The following RASGEF1C variants were observed in gnomAD, a reference collection of about 807,000 sequenced individuals.
The protein encoded by RASGEF1C is RasGEF domain family member 1C.
A neutral mutation model predicts 58.1 loss-of-function variants in RASGEF1C; 27 were observed. The observed-to-expected ratio is 0.46, with a 90% CI of 0.34 to 0.64. The LOEUF is 0.64. Ranked by LOEUF, RASGEF1C falls within the 30% of genes least tolerant of loss-of-function variation. RASGEF1C has a pLI of 0.01. For missense variants in RASGEF1C, 502 were observed against 605.1 expected (o/e 0.83, Z 1.79); for synonymous variants, 243 against 246.3 (o/e 0.99, Z 0.13).
chr5:180,172,353 C>A (rs1413522110), intron 1 of RASGEF1C, among the ~76,000 whole-genome samples: 1 of 152,190 alleles, frequency 6.6e-6, no homozygotes, highest in Non-Finnish European at 1.5e-5. Context: ...GGAACGGCCA[C>A]CTGGCCTGGG....
At chr5:180,172,229 C>T (rs1767120481) in intron 1 of RASGEF1C, among the ~76,000 whole-genome samples, 1 of 152,138 alleles carries the variant, frequency 6.6e-6, no homozygotes, top group Non-Finnish European at 1.5e-5. Context: ...GTGTCCCAAG[C>T]CTGCCTGAGC....
At chr5:180,184,241 A>C (rs1220133556) in intron 1 of RASGEF1C, among the ~76,000 whole-genome samples, 1 of 152,144 alleles carries the variant, frequency 6.6e-6, no homozygotes, top group Non-Finnish European at 1.5e-5. Context: ...CAATATCTTA[A>C]TCACATTAAA....
rs547714999 is a variant in RASGEF1C at position 180,159,821 on chromosome 5, T to C, written c.-6-21763A>G. Reference sequence around the variant, plus strand: ...ACAAAAGTCCCACGGGTGTACTTCATTGAGGTTTCAGGAGGGGCCAAGTGT... The same window carrying C: ...ACAAAAGTCCCACGGGTGTACTTCACTGAGGTTTCAGGAGGGGCCAAGTGT... On this transcript the variant is annotated intron_variant, in intron 1 of 13. Transcript: ENST00000361132. Among the ~76,000 whole-genome samples, 4 of 152,356 alleles carry C rather than the reference T, an allele frequency of 2.6e-5. No individual in the cohort carries two copies. In the South Asian group the frequency reaches 6.2e-4, roughly 24 times the overall value.
intron 11 of RASGEF1C, among the ~76,000 whole-genome samples, chr5:180,113,772 CGGAGGGATTGGGGATGGAT>C (rs1766015209): frequency 6.7e-6 from 1 of 148,418 alleles, no homozygotes; most frequent in South Asian, 2.2e-4. Context: ...CGGGGATGGA[CGGAGGGATTGGGGATGGAT>C]GGAGGGACCG....
At chr5:180,103,319 C>T (rs746511673) in intron 12 of RASGEF1C, among the ~76,000 whole-genome samples, 28 of 152,290 alleles carry the variant, frequency 1.8e-4, no homozygotes, top group East Asian at 9.7e-4. Context: ...CCTTGTGATC[C>T]GCCCGCCTCG....
At chr5:180,178,361 C>T (rs984857966) in intron 1 of RASGEF1C, among the ~76,000 whole-genome samples, 2 of 145,046 alleles carry the variant, frequency 1.4e-5, no homozygotes, top group African/African-American at 5.2e-5. Flanking sequence ...CTCACTGCAG[C>T]CTTTGCCTCC....
intron 1 of RASGEF1C, among the ~76,000 whole-genome samples, chr5:180,174,494 G>A (rs1329865709): frequency 6.6e-6 from 1 of 150,548 alleles, no homozygotes; most frequent in Non-Finnish European, 1.5e-5. Context: ...GTGTGCGCGT[G>A]TGTGTCTGTG....
intron 5 of RASGEF1C, 75 bp from the exon 6 acceptor site, chr5:180,127,758 G>T: frequency 1.4e-6 from 2 of 1,406,422 alleles, no homozygotes; most frequent in Non-Finnish European, 2.0e-6. Flanking sequence ...GCCTGCCGTG[G>T]TGCCCCAGCC....
intron 10 of RASGEF1C, among the ~76,000 whole-genome samples, chr5:180,116,878 G>A (rs1766076263): frequency 6.6e-6 from 1 of 152,270 alleles, no homozygotes; most frequent in African/African-American, 2.4e-5. Flanking sequence ...GAGCTTCAGA[G>A]CCAGACAGGC....
rs1756306651 is a variant in RASGEF1C, at chr5:180,197,803, GTCTGGAT to G, written c.-7+11218_-7+11224del. ...AGCCAGATTGGCACTTTTGAACACT[GTCTGGAT>G]TTTAAAACAAACAACTAAACAACTT... is the stretch of plus-strand genomic sequence containing the variant. On this transcript the variant is annotated intron_variant, in intron 1 of 13. Coordinates refer to ENST00000361132, the MANE Select transcript of RASGEF1C (RefSeq NM_175062.4). This position sits in a 1 kb window ranked among gnomAD's most constrained non-coding sequence, Gnocchi z 4.7. 5.9e-5 allele frequency among the ~76,000 whole-genome samples: 9 copies of G among 152,200 alleles called. No individual in the cohort carries two copies. Among genetic ancestry groups the G allele is most frequent in the Admixed American group, 2.6e-4 (4 of 15,282 alleles).
intron 1 of RASGEF1C, among the ~76,000 whole-genome samples, chr5:180,163,836 A>G (rs1740787458): frequency 6.6e-6 from 1 of 152,218 alleles, no homozygotes; most frequent in Non-Finnish European, 1.5e-5. Context: ...AATGATTGGT[A>G]GAATTTACCA....
At chr5:180,193,094 C>T (rs1445729021) in intron 1 of RASGEF1C, among the ~76,000 whole-genome samples, 1 of 144,306 alleles carries the variant, frequency 6.9e-6, no homozygotes, top group Non-Finnish European at 1.5e-5. Context: ...CTTGCTCTTT[C>T]ACCCAGGCCA....
intron 1 of RASGEF1C, among the ~76,000 whole-genome samples, chr5:180,181,225 G>A (rs888881530): frequency 2.0e-5 from 3 of 152,164 alleles, no homozygotes. Flanking sequence ...GCAGCTACCA[G>A]GTAAACATAA....
chr5:180,104,067 C>G (rs1454069999), intron 12 of RASGEF1C, among the ~76,000 whole-genome samples: 1 of 152,120 alleles, frequency 6.6e-6, no homozygotes, highest in African/African-American at 2.4e-5. Context: ...TTGCTGAACT[C>G]TATTTGCTTA....
At chr5:180,119,716 G>A (rs1766135174) in intron 7 of RASGEF1C, among the ~76,000 whole-genome samples, 1 of 152,058 alleles carries the variant, frequency 6.6e-6, no homozygotes, top group African/African-American at 2.4e-5. Flanking sequence ...GAGGCTCCAT[G>A]GCTCCCCTCC....
At chr5:180,131,173 T>C (rs2113270163) in intron 4 of RASGEF1C, among the ~76,000 whole-genome samples, 1 of 152,302 alleles carries the variant, frequency 6.6e-6, no homozygotes, top group South Asian at 2.1e-4. Flanking sequence ...CTGTTCAAAA[T>C]GCAAATCTGA....
In RASGEF1C at chr5:180,201,630, A is replaced by G. The variant is rs545212081; in HGVS notation, c.-7+7398T>C. Among the ~76,000 whole-genome samples the G allele has an allele frequency of 1.2e-4, 19 of 152,330 alleles. No homozygotes were observed. The South Asian group carries it at 3.9e-3, about 32-fold the overall frequency. On this transcript the variant is annotated intron_variant, in intron 1 of 13. Coordinates refer to ENST00000361132, the MANE Select transcript of RASGEF1C (RefSeq NM_175062.4). ...TTTACAAAGGGAAAAACCACACGCA[A>G]CACCTCAACTTGAATTACCTAATGC...
chr5:180,189,625 C>T (rs150389744), intron 1 of RASGEF1C, among the ~76,000 whole-genome samples: 53 of 152,212 alleles, frequency 3.5e-4, no homozygotes, highest in East Asian at 3.1e-3. Flanking sequence ...GTGGTTATTT[C>T]GGCCGTGCCT....
At chr5:180,179,084 C>T (rs1195532387) in intron 1 of RASGEF1C, among the ~76,000 whole-genome samples, 4 of 152,088 alleles carry the variant, frequency 2.6e-5, no homozygotes, top group Non-Finnish European at 5.9e-5. Flanking sequence ...GAAGAACGGG[C>T]TGGGGCTGGA....
Sources: allele counts gnomAD v4.1 joint callset (sites outside exome capture counted in the v4.1 genomes callset), GRCh38; gene constraint gnomAD v4.1.1; non-coding constraint Gnocchi (gnomAD v3.1); transcripts MANE v1.5; gene names NCBI Gene and HGNC (gene_info 2026-07-23, HGNC 2026-07-21).